The following TTC29 variants were observed in gnomAD, a reference collection of about 807,000 sequenced individuals.
TTC29 encodes the protein tetratricopeptide repeat domain 29, also known as tetratricopeptide repeat protein 29.
TTC29 carries 49 observed loss-of-function variants against 58.1 expected under a neutral mutation model. The ratio of observed to expected loss-of-function variants is 0.84; its 90% CI spans 0.67 to 1.07. TTC29 has a LOEUF of 1.07. TTC29 is among the 50% of genes least tolerant of loss of function. The probability of loss-of-function intolerance (pLI) is 0.00; values close to 1 mark genes in which losing one functional copy is unlikely to be tolerated. For missense variants in TTC29, 582 were observed against 555.6 expected (o/e 1.05, Z -0.48); for synonymous variants, 209 against 196.8 (o/e 1.06, Z -0.52).
chr4:146,833,877 T>C lies in TTC29; in HGVS notation c.906A>G (p.Lys302=). 6.2e-7 allele frequency: 1 copy of C among 1,612,978 alleles called. No homozygotes were observed. Among genetic ancestry groups the C allele is most frequent in the South Asian group, 1.1e-5 (1 of 91,024 alleles). The change falls in exon 9 of 13, where the codon AAA becomes AAG. Residue 302 remains lysine, a synonymous_variant. Transcript: ENST00000325106. ...GATCATCATCCAGGTCTGTGGAGAT[T>C]TTACAGTAAGTGTCAAGGACCTATC... ...TALTVLDTYC[K]ISTDLDDDLS...
At chr4:146,890,502 AC>A (rs1411279453) in intron 6 of TTC29, among the ~76,000 whole-genome samples, 2 of 152,174 alleles carry the variant, frequency 1.3e-5, no homozygotes, top group African/African-American at 2.4e-5. Context: ...AACTAGAATC[AC>A]AGACACGGTT....
chr4:146,722,528 G>A (rs528463995), intron 11 of TTC29, among the ~76,000 whole-genome samples: 144 of 151,912 alleles, frequency 9.5e-4, no homozygotes, highest in Non-Finnish European at 1.8e-3. Context: ...GCACACCTAC[G>A]GCCACCTGAT....
intron 8 of TTC29, among the ~76,000 whole-genome samples, chr4:146,837,409 C>T (rs1426894346): frequency 1.3e-5 from 2 of 151,808 alleles, no homozygotes; most frequent in East Asian, 1.9e-4. Flanking sequence ...GGTTTAGTAC[C>T]CAGGTGATGA....
At chr4:146,913,440 C>A (rs893369568) in intron 4 of TTC29, among the ~76,000 whole-genome samples, 1 of 151,882 alleles carries the variant, frequency 6.6e-6, no homozygotes, top group Non-Finnish European at 1.5e-5. Flanking sequence ...GAGGCACATT[C>A]TAAAAGTATT....
At chr4:146,926,410 T>A (rs1734932924) in intron 4 of TTC29, among the ~76,000 whole-genome samples, 1 of 152,138 alleles carries the variant, frequency 6.6e-6, no homozygotes, top group African/African-American at 2.4e-5. Context: ...ACATACTTTA[T>A]TTATTTGCCT....
At position 146,833,148 on chromosome 4, in the gene TTC29, C is replaced by T. The variant is rs575175296; in HGVS notation, c.977+658G>A. Among the ~76,000 whole-genome samples, 12 of 151,838 alleles carry T rather than the reference C, an allele frequency of 7.9e-5. No homozygotes were observed. The East Asian group carries it at 2.3e-3, about 29-fold the overall frequency. ...GGATATAAGATAACATAGTAAAAAC[C>T]AAGGCCTTAACTGATAACTTTTCTT... On this transcript the variant is annotated intron_variant, in intron 9 of 12. Coordinates refer to ENST00000325106, the MANE Select transcript of TTC29 (RefSeq NM_031956.4).
chr4:146,930,598 T>G (rs185485118), intron 4 of TTC29, among the ~76,000 whole-genome samples: 4 of 152,344 alleles, frequency 2.6e-5, no homozygotes, highest in Admixed American at 1.3e-4. Context: ...TCTCCATAGT[T>G]GCAGTAACCT....
chr4:146,908,615 A>G (rs1733682935), intron 5 of TTC29, among the ~76,000 whole-genome samples: 1 of 152,184 alleles, frequency 6.6e-6, no homozygotes, highest in African/African-American at 2.4e-5. Flanking sequence ...TTCAAAGTCC[A>G]CTATCTAAAC....
chr4:146,940,215 C>T (rs890816388), intron 2 of TTC29, among the ~76,000 whole-genome samples: 14 of 152,174 alleles, frequency 9.2e-5, no homozygotes, highest in Admixed American at 8.5e-4. Context: ...TTGTAAGGGA[C>T]ATGATTGCAA....
intron 6 of TTC29, among the ~76,000 whole-genome samples, chr4:146,881,854 T>A (rs956861684): frequency 5.3e-5 from 8 of 152,020 alleles, no homozygotes; most frequent in African/African-American, 1.9e-4. Flanking sequence ...CTCAATAGCA[T>A]CCCTAATACA....
chr4:146,791,719 T>C (rs1001704908), intron 11 of TTC29, among the ~76,000 whole-genome samples: 1 of 152,180 alleles, frequency 6.6e-6, no homozygotes, highest in Admixed American at 6.5e-5. Context: ...AGGTAAACGC[T>C]AGGCCTCTTG....
At chr4:146,826,099 G>T (rs1727778270) in intron 9 of TTC29, among the ~76,000 whole-genome samples, 1 of 151,944 alleles carries the variant, frequency 6.6e-6, no homozygotes, top group Non-Finnish European at 1.5e-5. Flanking sequence ...GGGGCATTTG[G>T]CCCACTTACA....
At chr4:146,792,549 C>T (rs1749540056) in intron 11 of TTC29, among the ~76,000 whole-genome samples, 1 of 152,110 alleles carries the variant, frequency 6.6e-6, no homozygotes, top group African/African-American at 2.4e-5. Flanking sequence ...CCCAAGATTG[C>T]TCTGATAGAA....
chr4:146,753,711 AT>A (rs1746205096), intron 11 of TTC29, among the ~76,000 whole-genome samples: 2 of 152,234 alleles, frequency 1.3e-5, no homozygotes, highest in Non-Finnish European at 2.9e-5. Context: ...ACACCATGGA[AT>A]ACTATGCAGC....
At chr4:146,805,420 G>A (rs190492107) in intron 10 of TTC29, among the ~76,000 whole-genome samples, 34 of 152,008 alleles carry the variant, frequency 2.2e-4, no homozygotes, top group Admixed American at 1.4e-3. Flanking sequence ...TTCAGAAGGT[G>A]GGTAATAAAA....
At chr4:146,840,295 A>G (rs138623168) in intron 8 of TTC29, among the ~76,000 whole-genome samples, 34 of 152,080 alleles carry the variant, frequency 2.2e-4, no homozygotes, top group Middle Eastern at 6.8e-3. Context: ...GCAGCAGCAG[A>G]TGTGATCCCA....
chr4:146,935,539 A>T (rs1012028851), intron 4 of TTC29, among the ~76,000 whole-genome samples: 2 of 152,124 alleles, frequency 1.3e-5, no homozygotes, highest in East Asian at 3.9e-4. Flanking sequence ...AGGGAGCCAA[A>T]CTCAAAATCT....
intron 10 of TTC29, among the ~76,000 whole-genome samples, chr4:146,811,423 C>T (rs1289472103): frequency 5.3e-5 from 8 of 152,132 alleles, no homozygotes; most frequent in Non-Finnish European, 1.0e-4. Flanking sequence ...GATTGATCTA[C>T]ATTTGTAAAG....
intron 2 of TTC29, among the ~76,000 whole-genome samples, chr4:146,943,298 T>C (rs2150344075): frequency 6.6e-6 from 1 of 152,054 alleles, no homozygotes; most frequent in South Asian, 2.1e-4. Flanking sequence ...GGAGCACCTT[T>C]ACTCTTAAAT....
Sources: gnomAD v4.1 joint callset for allele counts (sites outside exome capture counted in the v4.1 genomes callset) on GRCh38, gnomAD v4.1.1 for gene constraint, MANE v1.5 for transcripts, NCBI Gene and HGNC (gene_info 2026-07-23, HGNC 2026-07-21) for gene names.